The following FAM184B variants were observed in gnomAD, a reference collection of about 807,000 sequenced individuals.
FAM184B encodes family with sequence similarity 184 member B, also known as protein FAM184B.
FAM184B carries 111 observed loss-of-function variants against 135.9 expected under a neutral mutation model. The ratio of observed to expected loss-of-function variants is 0.82; its 90% CI spans 0.70 to 0.96. The LOEUF is 0.96. Ranked by LOEUF, FAM184B falls within the 40% of genes least tolerant of loss-of-function variation. FAM184B has a pLI of 0.00. For missense variants in FAM184B, 1,375 were observed against 1,323.9 expected, an observed-to-expected ratio of 1.04 and a Z score of -0.60; for synonymous variants, 552 against 524.8, an observed-to-expected ratio of 1.05 and a Z score of -0.71.
chr4:17,631,488 C>CA lies in FAM184B; in HGVS notation c.*1043dup, dbSNP rs1279955787. The CA allele has an allele frequency of 1.3e-5, 2 of 152,156 alleles. No individual in the cohort carries two copies. Among genetic ancestry groups the CA allele is most frequent in the Non-Finnish European group, 2.9e-5 (2 of 68,052 alleles). The allele number at this position is 152,156 out of a possible 1,614,324, so 9.4% of individuals were successfully genotyped here. ...CTAGAAGATCTTTGACTTCAAAGAACAGATAATCTAGAGACCTTCACAAGT... is the reference window on the plus strand; with the variant it reads ...CTAGAAGATCTTTGACTTCAAAGAACAAGATAATCTAGAGACCTTCACAAGT... On this transcript the variant is annotated 3_prime_UTR_variant, in exon 18 of 18. Transcript: ENST00000265018.
At position 17,709,163 on chromosome 4, in the gene FAM184B, T is replaced by C. The variant is rs1717190070; in HGVS notation, c.623A>G (p.Gln208Arg). Residue 208 changes from glutamine to arginine, a missense_variant, in exon 2 of 18, where the codon CAG becomes CGG. Gln to Arg is a conservative substitution (Grantham distance 43, BLOSUM62 1). Transcript: ENST00000265018. Reference sequence around the variant, plus strand: ...GCGGGCGTAGTCCTTGCTCAGCTGCTGGTTCTCCACTCGCAGCCGCTGCAC... The same window carrying C: ...GCGGGCGTAGTCCTTGCTCAGCTGCCGGTTCTCCACTCGCAGCCGCTGCAC... ...LEVQRLRVEN[Q>R]QLSKDYARKA... The C allele has an allele frequency of 6.5e-7, 1 of 1,548,330 alleles. No individual in the cohort carries two copies. Among genetic ancestry groups the C allele is most frequent in the East Asian group, 2.4e-5 (1 of 40,874 alleles).
chr4:17,739,649 G>A (rs1348696625), intron 1 of FAM184B, among the ~76,000 whole-genome samples: 4 of 136,130 alleles, frequency 2.9e-5, no homozygotes, highest in Non-Finnish European at 6.1e-5. Context: ...CTGCCTCCCA[G>A]GTTCAAGTGA....
Position 17,688,408 on chromosome 4 carries a change from C to G in FAM184B, c.1596+16G>C. On this transcript the variant is annotated intron_variant, in intron 7 of 17. Coordinates refer to ENST00000265018, the MANE Select transcript of FAM184B (RefSeq NM_015688.2). The stretch of plus-strand genomic sequence containing the variant: ...AAGAAATATCTTTAATTAAATCTGA[C>G]AAAGCTGGAGGTTACCTGGGTCTCC... 3 of 1,531,052 alleles carry G rather than the reference C, an allele frequency of 2.0e-6. No homozygotes were observed. The highest frequency in any genetic ancestry group is 1.4e-5 in the African/African-American group (1 of 72,146). The allele number at this position is 1,531,052 out of a possible 1,614,324, so 94.8% of individuals were successfully genotyped here.
chr4:17,629,313 A>G lies in FAM184B; in HGVS notation c.*3219T>C, dbSNP rs1390943687. On this transcript the variant is annotated 3_prime_UTR_variant, in exon 18 of 18. Coordinates refer to ENST00000265018, the MANE Select transcript of FAM184B (RefSeq NM_015688.2). ...TCAGTGCTACCCTTGGAAATCTGAC[A>G]GATACAGTAAGATGGTCCCTATCAT... 6.6e-6 allele frequency: 1 copy of G among 152,236 alleles called. No homozygotes were observed. The highest frequency in any genetic ancestry group is 1.9e-4 in the East Asian group (1 of 5,198). 9.4% of individuals were successfully genotyped at this position (152,236 alleles called of 1,614,324 possible). A position where few individuals can be genotyped will look rare whatever the true frequency, so the allele number is the denominator to read the frequency against.
rs1715492426 is a variant in FAM184B, at chr4:17,647,240, C to T, written c.2346+397G>A. Among the ~76,000 whole-genome samples the T allele has an allele frequency of 4.1e-5, 6 of 146,482 alleles. No homozygotes were observed. The South Asian group carries it at 1.3e-3, about 32-fold the overall frequency. ...GGGGGGAGGGGAATGACCAAGTACC[C>T]AGAGCCCATCCCTTTTTTTTTTTTT... On this transcript the variant is annotated intron_variant, in intron 12 of 17. Transcript: ENST00000265018.
chr4:17,763,482 A>G (rs1036639679), intron 1 of FAM184B, among the ~76,000 whole-genome samples: 8 of 152,276 alleles, frequency 5.3e-5, no homozygotes, highest in East Asian at 1.9e-4. Flanking sequence ...CTGTTACCAG[A>G]TAATTTGATA....
At chr4:17,725,185 T>A (rs1250869001) in intron 1 of FAM184B, among the ~76,000 whole-genome samples, 2 of 152,078 alleles carry the variant, frequency 1.3e-5, no homozygotes, top group African/African-American at 2.4e-5. Context: ...AGGGACTGTT[T>A]GTTACTCAGT....
At position 17,658,380 on chromosome 4, in the gene FAM184B, C is replaced by G; in HGVS notation, c.2007G>C (p.Met669Ile). The change falls in exon 10 of 18, where the codon ATG becomes ATC. Residue 669 changes from methionine to isoleucine, a missense_variant. By Grantham distance (10) the Met-to-Ile change is conservative. Transcript: ENST00000265018. ...LEASHQRALRMLEKARHQELK... is the reference protein window; with the variant it reads ...LEASHQRALRILEKARHQELK... ...GTTCCTGATGTCTGGCCTTCTCCAG[C>G]ATGCGCAGGGCTCTCTGGTGGGAAG... The G allele has an allele frequency of 6.4e-7, 1 of 1,551,706 alleles. No individual in the cohort carries two copies. Among genetic ancestry groups the G allele is most frequent in the Non-Finnish European group, 8.7e-7 (1 of 1,147,012 alleles).
chr4:17,704,911 G>A lies in FAM184B; in HGVS notation c.1377+89C>T, dbSNP rs73800353. ...CAGAGCAGGAGCTCAGTAAATGTTT[G>A]AGGAAGAAAAGAAGGAACAAAAAAG... On this transcript the variant is annotated intron_variant, in intron 5 of 17. Coordinates refer to ENST00000265018, the MANE Select transcript of FAM184B (RefSeq NM_015688.2). 3.7e-3 allele frequency: 4,267 copies of A among 1,154,526 alleles called. 96 individuals are homozygous for A. The African/African-American group carries it at 0.054, about 15-fold the overall frequency. The allele number at this position is 1,154,526 out of a possible 1,614,324, so 71.5% of individuals were successfully genotyped here. A position where few individuals can be genotyped will look rare whatever the true frequency, so the allele number is the denominator to read the frequency against.
At chr4:17,658,811 G>A (rs539268736) in intron 9 of FAM184B, among the ~76,000 whole-genome samples, 1 of 152,084 alleles carries the variant, frequency 6.6e-6, no homozygotes, top group Non-Finnish European at 1.5e-5. Context: ...ATCACTAGGG[G>A]ACTGATGCCT....
At chr4:17,720,198 T>G (rs1717487436) in intron 1 of FAM184B, among the ~76,000 whole-genome samples, 1 of 152,212 alleles carries the variant, frequency 6.6e-6, no homozygotes, top group African/African-American at 2.4e-5. Context: ...ACCTGCCACC[T>G]GAACGTCATA....
rs1200647283 is a variant in FAM184B at position 17,715,828 on chromosome 4, A to G, written c.142-6184T>C. On this transcript the variant is annotated intron_variant, in intron 1 of 17. Coordinates refer to ENST00000265018, the MANE Select transcript of FAM184B (RefSeq NM_015688.2). ...TTAATTTTTGGCTGCTTCATGTGCC[A>G]TTGTGTAAGTTATAATTTATTTCTC... is the stretch of plus-strand genomic sequence containing the variant. Among the ~76,000 whole-genome samples, 5 of 152,284 alleles carry G rather than the reference A, an allele frequency of 3.3e-5. No individual in the cohort carries two copies. In the South Asian group the frequency reaches 8.3e-4, roughly 25 times the overall value.
intron 12 of FAM184B, among the ~76,000 whole-genome samples, chr4:17,646,368 G>A (rs1481637529): frequency 2.0e-5 from 3 of 152,126 alleles, no homozygotes; most frequent in Non-Finnish European, 4.4e-5. Context: ...AGAAAATGTG[G>A]CACATATACA....
chr4:17,715,009 G>T (rs1717375918), intron 1 of FAM184B, among the ~76,000 whole-genome samples: 1 of 152,044 alleles, frequency 6.6e-6, no homozygotes, highest in South Asian at 2.1e-4. Flanking sequence ...TGCACAGAAG[G>T]TTACTTATAT....
chr4:17,708,788 G>A (rs1029720562), intron 2 of FAM184B, 104 bp downstream of exon 2: 142 of 1,252,996 alleles, frequency 1.1e-4, no homozygotes, highest in Non-Finnish European at 1.4e-4. Context: ...GCTCACCTCC[G>A]TAGAAGGCAA....
In FAM184B at chr4:17,643,539, T is replaced by C. The variant is rs372216457; in HGVS notation, c.2347-1311A>G. Among the ~76,000 whole-genome samples, 169 of 152,028 alleles carry C rather than the reference T, an allele frequency of 1.1e-3. 3 individuals carry two copies. In the South Asian group the frequency reaches 0.023, roughly 21 times the overall value. On this transcript the variant is annotated intron_variant, in intron 12 of 17. Coordinates refer to ENST00000265018, the MANE Select transcript of FAM184B (RefSeq NM_015688.2). ...CCCTCCATGGCCCAGTCCCCAGCTGTCTCCATCCCACATTTCCCGTCCCCT... is the reference window on the plus strand; with the variant it reads ...CCCTCCATGGCCCAGTCCCCAGCTGCCTCCATCCCACATTTCCCGTCCCCT...
chr4:17,779,235 A>C (rs1335405692), intron 1 of FAM184B, among the ~76,000 whole-genome samples: 1 of 152,212 alleles, frequency 6.6e-6, no homozygotes, highest in Non-Finnish European at 1.5e-5. Flanking sequence ...GATTAAATTC[A>C]TCTGTCAGAG....
intron 5 of FAM184B, among the ~76,000 whole-genome samples, chr4:17,693,778 G>C (rs1219777432): frequency 1.3e-5 from 2 of 152,098 alleles, no homozygotes; most frequent in African/African-American, 4.8e-5. Flanking sequence ...AGGAAAAGCA[G>C]TACAAAATTT....
chr4:17,680,519 C>G (rs1716413836), intron 7 of FAM184B, among the ~76,000 whole-genome samples: 1 of 152,144 alleles, frequency 6.6e-6, no homozygotes, highest in South Asian at 2.1e-4. Flanking sequence ...TCTCTGAACT[C>G]TAAATAAAAC....
Sources: gnomAD v4.1 joint callset for allele counts (sites outside exome capture counted in the v4.1 genomes callset) on GRCh38, gnomAD v4.1.1 for gene constraint, MANE v1.5 for transcripts, NCBI Gene and HGNC (gene_info 2026-07-23, HGNC 2026-07-21) for gene names.